Variants in SYNPO observed in about 807,000 individuals in gnomAD.
The protein encoded by SYNPO is synaptopodin.
Under a neutral mutation model 49.5 loss-of-function variants are expected in SYNPO, and 19 were observed. The observed-to-expected ratio is 0.38, with a 90% CI of 0.27 to 0.56. The LOEUF is 0.56. Among genes scored for constraint, SYNPO ranks in the 20% least tolerant of loss-of-function variants. The pLI is 0.68. For synonymous variants in SYNPO, 536 were observed against 548.0 expected (o/e 0.98, Z 0.31); for missense variants, 1,131 against 1,248.3 (o/e 0.91, Z 1.42).
chr5:150,633,538 G>A (rs1757609162), intron 2 of SYNPO, among the ~76,000 whole-genome samples: 1 of 152,232 alleles, frequency 6.6e-6, no homozygotes, highest in Admixed American at 6.5e-5. Flanking sequence ...TAAACCTGGA[G>A]TGGTAGGACA....
Position 150,657,085 on chromosome 5 carries a change from T to C in SYNPO, c.2710T>C (p.Ter904GlnextTer18). The change falls in exon 3 of 3, where the codon TAG (stop) becomes CAG (glutamine). Residue 904 changes from the stop codon to glutamine (Q), a stop_lost. Transcript: ENST00000307662. ...SLPAEASCTT[*>Q] ...CCCCGCCGAGGCCTCCTGCACCACCTAGAGCCCCACCCCCGACCCCACCCC... is the reference window on the plus strand; with the variant it reads ...CCCCGCCGAGGCCTCCTGCACCACCCAGAGCCCCACCCCCGACCCCACCCC... The C allele has an allele frequency of 2.5e-6, 4 of 1,579,560 alleles. No individual in the cohort carries two copies. Among genetic ancestry groups the C allele is most frequent in the Non-Finnish European group, 3.4e-6 (4 of 1,162,888 alleles).
At chr5:150,617,733 T>C (rs1757019966) in intron 1 of SYNPO, 1 of 152,226 alleles carries the variant, frequency 6.6e-6, no homozygotes, top group African/African-American at 2.4e-5. Flanking sequence ...AGGTGGTGTC[T>C]AGATACGTGT....
chr5:150,612,063 T>A (rs1213737250), intron 1 of SYNPO, among the ~76,000 whole-genome samples: 1 of 152,228 alleles, frequency 6.6e-6, no homozygotes, highest in Admixed American at 6.5e-5. Context: ...CAACCTTGGA[T>A]CTCATCCCCT....
At chr5:150,637,408 A>G (rs533561398), upstream of SYNPO, among the ~76,000 whole-genome samples, 2 of 152,382 alleles carry the variant, frequency 1.3e-5, no homozygotes, top group South Asian at 2.1e-4. Flanking sequence ...ATGAAAAATG[A>G]TAACACTGAA....
At chr5:150,599,245 C>T (rs1471260572), upstream of SYNPO, among the ~76,000 whole-genome samples, 1 of 152,244 alleles carries the variant, frequency 6.6e-6, no homozygotes. Flanking sequence ...CTCTGCTTCA[C>T]AGGTAAAGAA....
chr5:150,640,180 C>T (rs1757849431), upstream of SYNPO: 1 of 984,992 alleles, frequency 1.0e-6, no homozygotes, highest in Non-Finnish European at 1.2e-6. Flanking sequence ...AAATAATACA[C>T]AAGGTGGTGG....
intron 1 of SYNPO, chr5:150,615,435 C>G (rs909762136): frequency 6.6e-6 from 1 of 152,322 alleles, no homozygotes; most frequent in Admixed American, 6.5e-5. Context: ...CCCCTCCCCA[C>G]GCCCACTCCT....
chr5:150,589,171 C>T, the SYNPO span, among the ~76,000 whole-genome samples: 1 of 151,800 alleles, frequency 6.6e-6, no homozygotes. Flanking sequence ...AAGCAATTCT[C>T]CTGCCTCAGC....
At chr5:150,647,014 G>A (rs766343723) in intron 1 of SYNPO, among the ~76,000 whole-genome samples, 30 of 152,018 alleles carry the variant, frequency 2.0e-4, no homozygotes, top group Non-Finnish European at 3.5e-4. Flanking sequence ...AGGCCGAGGC[G>A]GGTGGATCAC....
chr5:150,597,465 G>A (rs1023685869), upstream of SYNPO, among the ~76,000 whole-genome samples: 1 of 152,158 alleles, frequency 6.6e-6, no homozygotes, highest in African/African-American at 2.4e-5. Context: ...TGGAGTAGCT[G>A]GGATTACAGG....
chr5:150,610,758 T>C (rs946442701), intron 1 of SYNPO, among the ~76,000 whole-genome samples: 4 of 152,234 alleles, frequency 2.6e-5, no homozygotes, highest in Non-Finnish European at 5.9e-5. Context: ...GGAGATGCTC[T>C]ACCAATAACG....
intron 1 of SYNPO, among the ~76,000 whole-genome samples, chr5:150,601,578 A>G (rs1756542848): frequency 6.6e-6 from 1 of 152,098 alleles, no homozygotes; most frequent in South Asian, 2.1e-4. Flanking sequence ...TTGTTGTATG[A>G]ATGAGCGTGT....
chr5:150,647,884 C>T (rs1758162005), intron 1 of SYNPO, 60 bp from the exon 2 acceptor site: 5 of 1,462,684 alleles, frequency 3.4e-6, no homozygotes, highest in African/African-American at 1.4e-5. Context: ...CCTGTTTGTC[C>T]GTGCACCCCT....
chr5:150,604,768 G>A (rs989039534), intron 1 of SYNPO, among the ~76,000 whole-genome samples: 3 of 152,196 alleles, frequency 2.0e-5, no homozygotes, highest in Non-Finnish European at 2.9e-5. Context: ...ACTGCGGCTG[G>A]CACTGAACAA....
At chr5:150,645,046 C>T (rs954261371) in intron 1 of SYNPO, among the ~76,000 whole-genome samples, 7 of 152,188 alleles carry the variant, frequency 4.6e-5, no homozygotes, top group African/African-American at 1.7e-4. Flanking sequence ...CTGCTGGTCA[C>T]AGCTTCTTTG....
the SYNPO span, among the ~76,000 whole-genome samples, chr5:150,595,927 C>A: frequency 6.6e-6 from 1 of 152,006 alleles, no homozygotes. Context: ...TGTGGCCCAG[C>A]GGCTCTTCTC....
At chr5:150,608,006 A>C (rs1342937588) in intron 1 of SYNPO, among the ~76,000 whole-genome samples, 2 of 152,238 alleles carry the variant, frequency 1.3e-5, no homozygotes, top group African/African-American at 4.8e-5. Flanking sequence ...TCAGTAGTGC[A>C]TGTGGCTAGT....
chr5:150,605,555 C>T (rs1011695878), intron 1 of SYNPO, among the ~76,000 whole-genome samples: 9 of 152,086 alleles, frequency 5.9e-5, no homozygotes, highest in African/African-American at 1.4e-4. Flanking sequence ...GGTACTTACC[C>T]GGACAGGGCC....
intron 1 of SYNPO, among the ~76,000 whole-genome samples, chr5:150,605,245 C>G (rs1416364409): frequency 6.6e-6 from 1 of 152,184 alleles, no homozygotes; most frequent in Non-Finnish European, 1.5e-5. Context: ...AGGTGGGGCT[C>G]TCCCTGAGGC....
Sources: allele counts gnomAD v4.1 joint callset (sites outside exome capture counted in the v4.1 genomes callset), GRCh38; gene constraint gnomAD v4.1.1; transcripts MANE v1.5; gene names NCBI Gene and HGNC (gene_info 2026-07-23, HGNC 2026-07-21).